The following ST7L variants were observed in gnomAD, a reference collection of about 807,000 sequenced individuals.
The protein encoded by ST7L is suppression of tumorigenicity 7 like, also known as suppressor of tumorigenicity 7 protein-like.
Under a neutral mutation model 72.5 loss-of-function variants are expected in ST7L, and 57 were observed. The ratio of observed to expected loss-of-function variants is 0.79; its 90% CI spans 0.64 to 0.98. ST7L has a LOEUF of 0.98. Among genes scored for constraint, ST7L ranks in the 50% least tolerant of loss-of-function variants. The probability of loss-of-function intolerance (pLI) is 0.00; values close to 1 mark genes in which losing one functional copy is unlikely to be tolerated. For missense variants in ST7L, 576 were observed against 672.2 expected (o/e 0.86, Z 1.58); for synonymous variants, 221 against 240.9 (o/e 0.92, Z 0.77).
At chr1:112,568,332 T>A (rs1051975375) in intron 11 of ST7L, among the ~76,000 whole-genome samples, 5 of 143,240 alleles carry the variant, frequency 3.5e-5, no homozygotes, top group African/African-American at 7.7e-5. Context: ...GTAATAATAT[T>A]TTTTTTTTTT....
At chr1:112,584,294 A>C (rs887802249) in intron 6 of ST7L, among the ~76,000 whole-genome samples, 168 bp from the exon 7 acceptor site, 2 of 151,206 alleles carry the variant, frequency 1.3e-5, no homozygotes, top group Non-Finnish European at 2.9e-5. Flanking sequence ...ACATTGGTAT[A>C]TTCTTTATGT....
chr1:112,616,749 GAAA>G, intron 2 of ST7L, 61 bp downstream of exon 2: 1 of 1,025,070 alleles, frequency 9.8e-7, no homozygotes, highest in Non-Finnish European at 1.4e-6. Context: ...TCTCAAAAAA[GAAA>G]AAAAAAAAAT....
At chr1:112,520,750 G>A, downstream of ST7L, 2 of 579,676 alleles carry the variant, frequency 3.5e-6, no homozygotes, top group South Asian at 4.5e-5. Context: ...AGATTTGAAG[G>A]GAGAGTAGAA....
chr1:112,579,396 A>T (rs1663731098), intron 9 of ST7L, among the ~76,000 whole-genome samples: 2 of 150,324 alleles, frequency 1.3e-5, no homozygotes, highest in Admixed American at 6.6e-5. Context: ...AAAAAAAAAA[A>T]AAAACAATAA....
At chr1:112,581,060 A>G (rs1467009906) in intron 9 of ST7L, among the ~76,000 whole-genome samples, 4 of 152,228 alleles carry the variant, frequency 2.6e-5, no homozygotes, top group African/African-American at 9.6e-5. Flanking sequence ...ACCTTCTTAA[A>G]TTCCAGTTCC....
chr1:112,556,979 A>C (rs906411483), intron 11 of ST7L, among the ~76,000 whole-genome samples: 4 of 129,748 alleles, frequency 3.1e-5, no homozygotes, highest in African/African-American at 8.0e-5. Context: ...AAAAAAAAAA[A>C]AAAAACAAAA....
chr1:112,540,678 C>T (rs1277957900), intron 14 of ST7L: 4 of 1,185,082 alleles, frequency 3.4e-6, no homozygotes, highest in Non-Finnish European at 4.2e-6. Flanking sequence ...GCCAACTAAT[C>T]TTTAAGGCAC....
At chr1:112,573,246 G>C (rs1662453387) in intron 11 of ST7L, among the ~76,000 whole-genome samples, 1 of 151,172 alleles carries the variant, frequency 6.6e-6, no homozygotes, top group Non-Finnish European at 1.5e-5. Flanking sequence ...TACTCAGGAG[G>C]CTGAGGCAGG....
chr1:112,524,297 C>T lies in ST7L; in HGVS notation c.*1716G>A, dbSNP rs1653082975. 1 of 152,464 alleles carries T rather than the reference C, an allele frequency of 6.6e-6. No homozygotes were observed. The highest frequency in any genetic ancestry group is 1.5e-5 in the Non-Finnish European group (1 of 68,018). 9.4% of individuals were successfully genotyped at this position (152,464 alleles called of 1,614,324 possible). A position where few individuals can be genotyped will look rare whatever the true frequency, so the allele number is the denominator to read the frequency against. On this transcript the variant is annotated 3_prime_UTR_variant, in exon 15 of 15. Coordinates refer to ENST00000358039, the MANE Select transcript of ST7L (RefSeq NM_017744.5). ...TCTGAGGTTTTTATTTAAATGCACT[C>T]AGTGGTCATAGGGCAGAAGCTCAAG...
At chr1:112,602,703 C>T (rs1426688096) in intron 3 of ST7L, among the ~76,000 whole-genome samples, 1 of 147,792 alleles carries the variant, frequency 6.8e-6, no homozygotes, top group African/African-American at 2.5e-5. Flanking sequence ...ACCTGGCAGA[C>T]ATTTTCTTTC....
At chr1:112,520,244 T>C (rs764860088), downstream of ST7L, 3 of 1,586,014 alleles carry the variant, frequency 1.9e-6, no homozygotes, top group Non-Finnish European at 1.7e-6. Flanking sequence ...GCTGAAGAGA[T>C]AACTTTGTTC....
At position 112,616,912 on chromosome 1, in the gene ST7L, A is replaced by C. The variant is rs1412993594; in HGVS notation, c.206-17T>G. On this transcript the variant is annotated splice_polypyrimidine_tract_variant and intron_variant, in intron 1 of 14. Transcript: ENST00000358039. ...ATACAGTCACTGTCAAAAGAACAAG[A>C]ATCAAAGTTTTAAAAAATGCAAATT... 6.3e-7 allele frequency: 1 copy of C among 1,575,818 alleles called. No individual in the cohort carries two copies. The highest frequency in any genetic ancestry group is 8.6e-7 in the Non-Finnish European group (1 of 1,160,554).
At chr1:112,533,101 C>G (rs1021700814) in intron 14 of ST7L, among the ~76,000 whole-genome samples, 3 of 152,140 alleles carry the variant, frequency 2.0e-5, no homozygotes, top group Non-Finnish European at 4.4e-5. Flanking sequence ...AAAAAAGTAA[C>G]TTGAGAGTCA....
At position 112,556,004 on chromosome 1, in the gene ST7L, C is replaced by T; in HGVS notation, c.1260G>A (p.Met420Ile). ...GTTCTGGAGGTAAAATTAAACTTTT[C>T]ATCTCTAATAAATACTGAAAGAGTA... Reference protein sequence around the residue: ...NPHVPKYLLEMKSLILPPEHI... With the variant: ...NPHVPKYLLEIKSLILPPEHI... Residue 420 changes from methionine (M) to isoleucine (I), a missense_variant, in exon 12 of 15, where the codon ATG becomes ATA. Met to Ile is a conservative substitution (Grantham distance 10). This residue lies in a region of ST7L where 511 missense variants were observed against 600.7 expected (regional missense o/e 0.85). Coordinates refer to ENST00000358039, the MANE Select transcript of ST7L (RefSeq NM_017744.5). 1 of 1,602,202 alleles carries T rather than the reference C, an allele frequency of 6.2e-7. No individual in the cohort carries two copies. Among genetic ancestry groups the T allele is most frequent in the Non-Finnish European group, 8.5e-7 (1 of 1,173,878 alleles).
intron 11 of ST7L, among the ~76,000 whole-genome samples, chr1:112,573,326 C>A (rs1662475674): frequency 8.5e-6 from 1 of 117,276 alleles, no homozygotes; most frequent in Non-Finnish European, 1.6e-5. Flanking sequence ...CCAGCCCGGG[C>A]AGCAAGAGCA....
At chr1:112,570,614 A>G (rs1406709616) in intron 11 of ST7L, 5 of 351,754 alleles carry the variant, frequency 1.4e-5, no homozygotes, top group Admixed American at 3.9e-5. Context: ...CTTAGGTTGA[A>G]TAAGTTATTG....
chr1:112,526,256 C>T (rs1036321928), intron 14 of ST7L, 145 bp from the exon 15 acceptor site: 16 of 1,020,820 alleles, frequency 1.6e-5, no homozygotes, highest in Non-Finnish European at 2.3e-5. Context: ...CCATTTCTGC[C>T]ACTATTACCA....
intron 11 of ST7L, among the ~76,000 whole-genome samples, chr1:112,570,568 TATAC>T (rs1428038960): frequency 3.5e-5 from 5 of 144,806 alleles, no homozygotes; most frequent in East Asian, 2.0e-4. Context: ...TATATATATA[TATAC>T]ACACACACAT....
chr1:112,546,074 C>T (rs937007039), intron 13 of ST7L, among the ~76,000 whole-genome samples: 2 of 152,114 alleles, frequency 1.3e-5, no homozygotes. Context: ...CCTGTATTCC[C>T]AACACCTGTT....
Sources: allele counts gnomAD v4.1 joint callset (sites outside exome capture counted in the v4.1 genomes callset), GRCh38; gene constraint gnomAD v4.1.1; regional missense constraint gnomAD v4.1.1; transcripts MANE v1.5; gene names NCBI Gene and HGNC (gene_info 2026-07-23, HGNC 2026-07-21).